Variants in BCORL1 observed in about 807,000 individuals in gnomAD.
The protein encoded by BCORL1 is BCL6 corepressor like 1, also known as BCL-6 corepressor-like protein 1.
In BCORL1, 7 loss-of-function variants were observed where a neutral mutation model predicts 87.6. The ratio of observed to expected loss-of-function variants is 0.08; its 90% CI spans 0.05 to 0.15. The LOEUF is 0.15. Among genes scored for constraint, BCORL1 ranks in the 10% least tolerant of loss-of-function variants. The pLI, the probability that BCORL1 is intolerant of heterozygous loss-of-function variation, is 1.00. For missense variants in BCORL1, 1,215 were observed against 1,499.7 expected (o/e 0.81, Z 3.13); for synonymous variants, 591 against 634.4 (o/e 0.93, Z 1.03).
intron 1 of BCORL1, among the ~76,000 whole-genome samples, chrX:129,986,956 A>G (rs1926680437): frequency 8.9e-6 from 1 of 112,111 alleles, no homozygotes; most frequent in Non-Finnish European, 1.9e-5. Flanking sequence ...AAACAGAATT[A>G]TGGGAAAAAA....
chrX:130,028,902 C>T lies in BCORL1; in HGVS notation c.4305+41C>T, dbSNP rs1569379275. On this transcript the variant is annotated intron_variant, in intron 8 of 13. Coordinates refer to ENST00000540052, the MANE Select transcript of BCORL1 (RefSeq NM_001379451.1). ...GGGGTATTGTAGAAGGTGTGTGTGG[C>T]GGGGGGTCAGAGGAGGCAGGAGGGG... is the stretch of plus-strand genomic sequence containing the variant. 2.0e-5 allele frequency: 8 copies of T among 404,756 alleles called. No homozygotes were observed. The South Asian group carries it at 2.3e-4, about 12-fold the overall frequency. 33.4% of individuals were successfully genotyped at this position (404,756 alleles called of 1,213,427 possible).
intron 6 of BCORL1, among the ~76,000 whole-genome samples, 186 bp from the exon 7 acceptor site, chrX:130,024,804 C>G (rs1303654915): frequency 1.8e-5 from 2 of 111,754 alleles, no homozygotes; most frequent in East Asian, 5.6e-4. Flanking sequence ...AAGGGGAGAA[C>G]AGTATCCCCA....
intron 8 of BCORL1, among the ~76,000 whole-genome samples, chrX:130,029,693 C>T (rs1328729094): frequency 9.3e-6 from 1 of 107,862 alleles, no homozygotes; most frequent in Admixed American, 1.0e-4. Context: ...CGCTTTCGCC[C>T]AGGCTGGAGT....
chrX:130,055,821 C>T, intron 13 of BCORL1, 33 bp from the exon 14 acceptor site: 1 of 1,176,423 alleles, frequency 8.5e-7, no homozygotes. Flanking sequence ...TTCCTCCAGC[C>T]TCCTTCAATA....
upstream of BCORL1, among the ~76,000 whole-genome samples, chrX:129,980,694 G>T (rs1259485699): frequency 9.1e-6 from 1 of 110,219 alleles, no homozygotes; most frequent in African/African-American, 3.3e-5. Flanking sequence ...CGGTGGCGTG[G>T]GCGCGGGCCG....
intron 11 of BCORL1, among the ~76,000 whole-genome samples, chrX:130,045,873 C>T (rs1351556854): frequency 9.0e-6 from 1 of 110,936 alleles, no homozygotes; most frequent in Non-Finnish European, 1.9e-5. Flanking sequence ...CTGCCCTGGC[C>T]TCCCAAAGCA....
intron 1 of BCORL1, among the ~76,000 whole-genome samples, chrX:129,984,085 G>A (rs1244449206): frequency 6.5e-5 from 6 of 91,992 alleles, no homozygotes; most frequent in African/African-American, 2.4e-4. Context: ...TGGGCTTCGG[G>A]GGGAGCAGTC....
chrX:130,017,386 C>T (rs1929512864), intron 4 of BCORL1, among the ~76,000 whole-genome samples: 1 of 110,781 alleles, frequency 9.0e-6, no homozygotes, highest in Non-Finnish European at 1.9e-5. Context: ...TTGCCATCTG[C>T]GCTCGGTGGT....
chrX:130,022,236 C>CTTTTTTT (rs34598574), intron 5 of BCORL1, among the ~76,000 whole-genome samples: 77 of 56,309 alleles, frequency 1.4e-3, no homozygotes, highest in Non-Finnish European at 1.7e-3. Context: ...TTCTTTCTTT[C>CTTTTTTT]TTTTTTTTTT....
intron 1 of BCORL1, among the ~76,000 whole-genome samples, chrX:129,987,677 A>T (rs1345474106): frequency 9.0e-6 from 1 of 111,588 alleles, no homozygotes; most frequent in East Asian, 2.8e-4. Context: ...ACTGAGTGAC[A>T]TGAGAGCCTG....
chrX:130,055,867 T>C lies in BCORL1; in HGVS notation c.5089T>C (p.Phe1697Leu). 1 of 1,206,017 alleles carries C rather than the reference T, an allele frequency of 8.3e-7. No homozygotes were observed. Among genetic ancestry groups the C allele is most frequent in the Non-Finnish European group, 1.1e-6 (1 of 892,427 alleles). The change falls in exon 14 of 14, where the codon TTC becomes CTC. Residue 1697 changes from phenylalanine to leucine, a missense_variant. Physicochemically the swap from Phe to Leu is conservative, Grantham distance 22 (BLOSUM62 0). Coordinates refer to ENST00000540052, the MANE Select transcript of BCORL1 (RefSeq NM_001379451.1). ...VSVSRGPCNW[F>L]LFSDVLKRLK... ...TTGCCTTTGCAGGCCCTGCAACTGG[T>C]TCCTCTTTTCCGATGTCTTGAAGAG...
At chrX:130,002,099 G>A (rs1037731421) in intron 1 of BCORL1, among the ~76,000 whole-genome samples, 9 of 109,780 alleles carry the variant, frequency 8.2e-5, no homozygotes, top group African/African-American at 2.3e-4. Context: ...ATGACAAGGC[G>A]GAAATTTCCA....
chrX:130,015,728 G>T lies in BCORL1; in HGVS notation c.2956G>T (p.Val986Leu). ...LAGDTKPKNQ[V>L]LATYMSHELV... ...AGGAGACACGAAGCCTAAGAACCAA[G>T]TGCTGGCCACCTACATGTCCCATGA... The change falls in exon 4 of 14, where the codon GTG (valine) becomes TTG (leucine). Residue 986 changes from valine (V) to leucine (L), a missense_variant. Coordinates refer to ENST00000540052, the MANE Select transcript of BCORL1 (RefSeq NM_001379451.1). 1 of 1,212,125 alleles carries T rather than the reference G, an allele frequency of 8.2e-7. No individual in the cohort carries two copies. Among genetic ancestry groups the T allele is most frequent in the Non-Finnish European group, 1.1e-6 (1 of 895,618 alleles).
Position 130,025,381 on chromosome X carries a change from T to C in BCORL1, c.4078+2T>C. The C allele has an allele frequency of 8.8e-7, 1 of 1,142,198 alleles. No homozygotes were observed. The highest frequency in any genetic ancestry group is 1.2e-6 in the Non-Finnish European group (1 of 862,877). 94.1% of individuals were successfully genotyped at this position (1,142,198 alleles called of 1,213,427 possible). A position where few individuals can be genotyped will look rare whatever the true frequency, so the allele number is the denominator to read the frequency against. On this transcript the variant is annotated splice_donor_variant, in intron 7 of 13. Coordinates refer to ENST00000540052, the MANE Select transcript of BCORL1 (RefSeq NM_001379451.1). LOFTEE classifies it high-confidence loss of function. ...AGCAGCGGCGGAAAGGGAGAGCAGG[T>C]AAGGCTGGCCAGGGGCTCTGCTGTC...
rs774794739 is a variant in BCORL1 at position 130,015,447 on chromosome X, G to T, written c.2675G>T (p.Gly892Val). 35 of 1,210,954 alleles carry T rather than the reference G, an allele frequency of 2.9e-5. No homozygotes were observed. The highest frequency in any genetic ancestry group is 3.8e-5 in the Non-Finnish European group (34 of 895,405). ...HGLPEGQPRP[G>V]GSFVPEQDPV... Reference sequence around the variant, plus strand: ...CTTCCTGAGGGGCAACCACGGCCTGGGGGCTCCTTCGTTCCAGAGCAGGAC... The same window carrying T: ...CTTCCTGAGGGGCAACCACGGCCTGTGGGCTCCTTCGTTCCAGAGCAGGAC... Residue 892 changes from glycine to valine, a missense_variant, in exon 4 of 14, where the codon GGG becomes GTG. Gly to Val is a moderately radical substitution (Grantham distance 109). Transcript: ENST00000540052.
Position 130,015,661 on chromosome X carries a change from T to A in BCORL1, c.2889T>A (p.Pro963=). 1 of 1,211,531 alleles carries A rather than the reference T, an allele frequency of 8.3e-7. No homozygotes were observed. Among genetic ancestry groups the A allele is most frequent in the South Asian group, 1.8e-5 (1 of 56,976 alleles). Residue 963 remains proline (P), a synonymous_variant, in exon 4 of 14, where the codon CCT becomes CCA. Coordinates refer to ENST00000540052, the MANE Select transcript of BCORL1 (RefSeq NM_001379451.1). ...SESHLCSDST[P]KMEGPQGACG... The stretch of plus-strand genomic sequence containing the variant: ...GCCACCTCTGCTCTGACAGCACTCC[T>A]AAGATGGAAGGCCCCCAGGGGGCTT...
At chrX:130,017,320 C>T (rs953058133) in intron 4 of BCORL1, among the ~76,000 whole-genome samples, 1 of 110,664 alleles carries the variant, frequency 9.0e-6, no homozygotes, top group Non-Finnish European at 1.9e-5. Context: ...GTCAGAGACA[C>T]GTGAAGTAGG....
chrX:130,030,558 T>G (rs2124509154), intron 8 of BCORL1, among the ~76,000 whole-genome samples: 1 of 110,652 alleles, frequency 9.0e-6, no homozygotes, highest in Non-Finnish European at 1.9e-5. Context: ...TCGTTCCATA[T>G]GTCTCTCAGG....
chrX:130,011,307 G>A (rs1928945163), intron 2 of BCORL1, among the ~76,000 whole-genome samples: 1 of 109,471 alleles, frequency 9.1e-6, no homozygotes, highest in Admixed American at 9.8e-5. Context: ...GTGGGATCTC[G>A]GCTCACTGCA....
Sources: allele counts gnomAD v4.1 joint callset (sites outside exome capture counted in the v4.1 genomes callset), GRCh38; gene constraint gnomAD v4.1.1; transcripts MANE v1.5; gene names NCBI Gene and HGNC (gene_info 2026-07-23, HGNC 2026-07-21).